NPTN: variants seen among roughly 807,000 people sequenced by gnomAD.
NPTN encodes neuroplastin.
In NPTN, 5 loss-of-function variants were observed where a neutral mutation model predicts 42.7. That is an observed-to-expected ratio of 0.12 (90% CI 0.06 to 0.25). The LOEUF is 0.25. NPTN is among the 10% of genes least tolerant of loss of function. NPTN has a pLI of 1.00. For synonymous variants in NPTN, 180 were observed against 201.9 expected, an observed-to-expected ratio of 0.89 and a Z score of 0.92; for missense variants, 307 against 525.4, an observed-to-expected ratio of 0.58 and a Z score of 4.06.
In NPTN at chr15:73,603,245, A is replaced by T. The variant is rs546441110; in HGVS notation, c.92-5876T>A. Among the ~76,000 whole-genome samples the T allele has an allele frequency of 1.2e-4, 18 of 152,356 alleles. No homozygotes were observed. The South Asian group carries it at 3.7e-3, about 32-fold the overall frequency. On this transcript the variant is annotated intron_variant, in intron 1 of 8. Coordinates refer to ENST00000345330, the MANE Select transcript of NPTN (RefSeq NM_012428.4). Reference sequence around the variant, plus strand: ...GTACCTGACACATAGTAAGCACTCAATAATGTTAGCTATTATTATATGTCT... The same window carrying T: ...GTACCTGACACATAGTAAGCACTCATTAATGTTAGCTATTATTATATGTCT...
intron 4 of NPTN, among the ~76,000 whole-genome samples, chr15:73,574,724 T>C (rs1203434399): frequency 6.6e-6 from 1 of 152,144 alleles, no homozygotes; most frequent in Non-Finnish European, 1.5e-5. Flanking sequence ...TAAGACCTTT[T>C]ATTAACAACT....
chr15:73,574,020 TAA>T (rs1262135584), intron 4 of NPTN, among the ~76,000 whole-genome samples: 1 of 152,246 alleles, frequency 6.6e-6, no homozygotes, highest in Admixed American at 6.5e-5. Flanking sequence ...CCAGGGTTAC[TAA>T]TATATGAGGC....
intron 4 of NPTN, among the ~76,000 whole-genome samples, chr15:73,582,992 A>G (rs1896129994): frequency 6.6e-6 from 1 of 152,168 alleles, no homozygotes; most frequent in Non-Finnish European, 1.5e-5. Flanking sequence ...CCTTGTGACC[A>G]TGTAAGTTAA....
At chr15:73,620,483 T>C (rs1898080516) in intron 1 of NPTN, among the ~76,000 whole-genome samples, 1 of 152,188 alleles carries the variant, frequency 6.6e-6, no homozygotes, top group African/African-American at 2.4e-5. Flanking sequence ...GTGAAACTAC[T>C]AGTCTTTAGT....
Position 73,569,949 on chromosome 15 carries a change from C to CA in NPTN, c.1114+200dup, listed in dbSNP as rs999688216. ...TAAGGACAGCTCTAGATGGCTAATG[C>CA]AAAAAAAATAAAAATAAAATAAAAA... On this transcript the variant is annotated intron_variant, in intron 6 of 8. Coordinates refer to ENST00000345330, the MANE Select transcript of NPTN (RefSeq NM_012428.4). The surrounding 1 kb of genome is among the most constrained non-coding windows in gnomAD (Gnocchi z 4.1). 26 of 388,400 alleles carry CA rather than the reference C, an allele frequency of 6.7e-5. No individual in the cohort carries two copies. The highest frequency in any genetic ancestry group is 7.0e-5 in the Non-Finnish European group (20 of 286,542). The allele number at this position is 388,400 out of a possible 1,614,324, so 24.1% of individuals were successfully genotyped here.
chr15:73,578,852 G>A (rs1055399545), intron 4 of NPTN, among the ~76,000 whole-genome samples: 2 of 152,044 alleles, frequency 1.3e-5, no homozygotes, highest in African/African-American at 4.8e-5. Flanking sequence ...AATTAGCCAG[G>A]CATAATGGCA....
chr15:73,622,499 T>TAAA (rs751330130), intron 1 of NPTN, among the ~76,000 whole-genome samples: 5 of 123,662 alleles, frequency 4.0e-5, no homozygotes, highest in Non-Finnish European at 8.8e-5. Context: ...AGAATTGTTT[T>TAAA]AAAAAAAAAA....
At chr15:73,581,875 C>T (rs1453819859) in intron 4 of NPTN, among the ~76,000 whole-genome samples, 1 of 152,040 alleles carries the variant, frequency 6.6e-6, no homozygotes, top group Non-Finnish European at 1.5e-5. Context: ...CGCTCTGTCG[C>T]CCAGGCTGGA....
rs1277477417 is a variant in NPTN, at chr15:73,633,309, G to C, written c.-94C>G. On this transcript the variant is annotated 5_prime_UTR_variant, in exon 1 of 9. Coordinates refer to ENST00000345330, the MANE Select transcript of NPTN (RefSeq NM_012428.4). ...GGAGGGAGGGGGCGGGCGAGTGCGC[G>C]AGGGAGTGAGCGAGGGAGGCAGCCG... is the stretch of plus-strand genomic sequence containing the variant. 5.3e-6 allele frequency: 5 copies of C among 944,946 alleles called. No individual in the cohort carries two copies. The East Asian group carries it at 1.2e-4, about 23-fold the overall frequency. 58.5% of individuals were successfully genotyped at this position (944,946 alleles called of 1,614,324 possible). A position where few individuals can be genotyped will look rare whatever the true frequency, so the allele number is the denominator to read the frequency against.
intron 4 of NPTN, among the ~76,000 whole-genome samples, chr15:73,577,616 A>G (rs1041505278): frequency 1.5e-4 from 23 of 152,216 alleles, no homozygotes; most frequent in Admixed American, 1.1e-3. Flanking sequence ...AACATTAGAC[A>G]CAAGATTAGA....
chr15:73,598,508 T>C (rs1896930620), intron 1 of NPTN, among the ~76,000 whole-genome samples: 1 of 151,676 alleles, frequency 6.6e-6, no homozygotes, highest in South Asian at 2.1e-4. Context: ...TTTAAAAACT[T>C]GGAGTTAGGT....
At chr15:73,568,178 A>G in intron 6 of NPTN, 1 of 985,382 alleles carries the variant, frequency 1.0e-6, no homozygotes, top group Non-Finnish European at 1.2e-6. Flanking sequence ...CCATTTCTCA[A>G]ATCTAACCTA....
chr15:73,569,835 A>G lies in NPTN; in HGVS notation c.1114+315T>C. 1 of 984,886 alleles carries G rather than the reference A, an allele frequency of 1.0e-6. No individual in the cohort carries two copies. The highest frequency in any genetic ancestry group is 1.2e-6 in the Non-Finnish European group (1 of 829,448). 61.0% of individuals were successfully genotyped at this position (984,886 alleles called of 1,614,324 possible). Reference sequence around the variant, plus strand: ...TATTGAAGGAGGACAGAGCTGAACAAAGAGACTGACAGCTGCCCATTCACC... The same window carrying G: ...TATTGAAGGAGGACAGAGCTGAACAGAGAGACTGACAGCTGCCCATTCACC... On this transcript the variant is annotated intron_variant, in intron 6 of 8. Transcript: ENST00000345330. The surrounding 1 kb of genome is among the most constrained non-coding windows in gnomAD (Gnocchi z 4.1).
At chr15:73,580,116 G>A (rs1438804534) in intron 4 of NPTN, among the ~76,000 whole-genome samples, 1 of 151,996 alleles carries the variant, frequency 6.6e-6, no homozygotes, top group African/African-American at 2.4e-5. Flanking sequence ...AAATGGTAAA[G>A]CCAGAATCCA....
intron 1 of NPTN, among the ~76,000 whole-genome samples, chr15:73,620,179 G>GT (rs1375251572): frequency 6.6e-6 from 1 of 152,316 alleles, no homozygotes; most frequent in East Asian, 1.9e-4. Flanking sequence ...GTATTCTCTA[G>GT]TTTAGCAAAT....
intron 1 of NPTN, among the ~76,000 whole-genome samples, chr15:73,627,095 T>G (rs1381542808): frequency 6.6e-6 from 1 of 151,912 alleles, no homozygotes; most frequent in African/African-American, 2.4e-5. Context: ...ATTAGCTGAG[T>G]ATGGTGGCTG....
Position 73,633,294 on chromosome 15 carries a change from G to C in NPTN, c.-79C>G, listed in dbSNP as rs561700331. The C allele has an allele frequency of 9.2e-6, 9 of 974,308 alleles. No homozygotes were observed. In the Admixed American group the frequency reaches 3.2e-4, roughly 35 times the overall value. The allele number at this position is 974,308 out of a possible 1,614,324, so 60.4% of individuals were successfully genotyped here. On this transcript the variant is annotated 5_prime_UTR_variant, in exon 1 of 9. Transcript: ENST00000345330. ...GGGAAGGGAGGGGAGGGAGGGAGGG[G>C]GCGGGCGAGTGCGCGAGGGAGTGAG...
intron 2 of NPTN, 131 bp downstream of exon 2, chr15:73,596,891 T>C (rs975239466): frequency 2.7e-6 from 2 of 748,682 alleles, no homozygotes; most frequent in African/African-American, 3.6e-5. Flanking sequence ...GGTCATGGGA[T>C]TGAAAAAAAA....
In NPTN at chr15:73,560,329, T is replaced by G. The variant is rs1045971875; in HGVS notation, c.*734A>C. On this transcript the variant is annotated 3_prime_UTR_variant, in exon 9 of 9. Transcript: ENST00000345330. ...ACAAGAATAAGGTTCAACACATCAG[T>G]GCAAAAGGATTTATGAATTTACATG... 3 of 157,838 alleles carry G rather than the reference T, an allele frequency of 1.9e-5. No individual in the cohort carries two copies. Among genetic ancestry groups the G allele is most frequent in the African/African-American group, 7.2e-5 (3 of 41,476 alleles). 9.8% of individuals were successfully genotyped at this position (157,838 alleles called of 1,614,324 possible). A position where few individuals can be genotyped will look rare whatever the true frequency, so the allele number is the denominator to read the frequency against.
Sources: allele counts gnomAD v4.1 joint callset (sites outside exome capture counted in the v4.1 genomes callset), GRCh38; gene constraint gnomAD v4.1.1; non-coding constraint Gnocchi (gnomAD v3.1); transcripts MANE v1.5; gene names NCBI Gene and HGNC (gene_info 2026-07-23, HGNC 2026-07-21).